The following NBAS variants were observed in gnomAD, a reference collection of about 807,000 sequenced individuals.
NBAS encodes the protein NBAS subunit of NRZ tethering complex.
In NBAS, 219 loss-of-function variants were observed where a neutral mutation model predicts 302.5. The ratio of observed to expected loss-of-function variants is 0.72; its 90% confidence interval spans 0.65 to 0.81. NBAS has a LOEUF of 0.81. Ranked by LOEUF, NBAS falls within the 30% of genes least tolerant of loss-of-function variation. The pLI, the probability that NBAS is intolerant of heterozygous loss-of-function variation, is 0.00. For missense variants in NBAS, 2,932 were observed against 2,841.6 expected (o/e 1.03, Z -0.72); for synonymous variants, 1,118 against 1,021.6 (o/e 1.09, Z -1.80).
the NBAS span, among the ~76,000 whole-genome samples, chr2:15,102,574 CTT>C: frequency 6.6e-6 from 1 of 152,174 alleles, no homozygotes; most frequent in Non-Finnish European, 1.5e-5. Context: ...TTTTATTCAG[CTT>C]TGCAACTCCA....
rs80120893 is a variant in NBAS at position 15,396,203 on chromosome 2, G to A, written c.3134+210C>T. On this transcript the variant is annotated intron_variant, in intron 27 of 51. Transcript: ENST00000281513. ...TAAGTGGCAAGGCCTAAATTTGAAC[G>A]TAGGTTTTCAAAGACCATGTTATTA... Among the ~76,000 whole-genome samples, 1,289 of 152,226 alleles carry A rather than the reference G, an allele frequency of 8.5e-3. 19 individuals are homozygous for A. Among genetic ancestry groups the A allele is most frequent in the East Asian group, 0.06 (309 of 5,184 alleles).
Position 15,234,821 on chromosome 2 carries a change from T to C in NBAS, c.5944-74A>G. On this transcript the variant is annotated intron_variant, in intron 45 of 51. Coordinates refer to ENST00000281513, the MANE Select transcript of NBAS (RefSeq NM_015909.4). ...GTATCTACATGCACAAAGTGAAACA[T>C]ATTTAGATCCTCGAACCAAATACAT... 6 of 1,471,260 alleles carry C rather than the reference T, an allele frequency of 4.1e-6. 1 individual carries two copies. In the South Asian group the frequency reaches 6.9e-5, roughly 17 times the overall value. The allele number at this position is 1,471,260 out of a possible 1,614,324, so 91.1% of individuals were successfully genotyped here. A position where few individuals can be genotyped will look rare whatever the true frequency, so the allele number is the denominator to read the frequency against.
At chr2:15,228,479 G>A (rs1019063012) in intron 47 of NBAS, among the ~76,000 whole-genome samples, 12 of 152,288 alleles carry the variant, frequency 7.9e-5, no homozygotes, top group African/African-American at 2.4e-4. Flanking sequence ...CAGCAATCCC[G>A]TTACTGAGTA....
At chr2:15,389,368 G>A (rs1675476685) in intron 28 of NBAS, among the ~76,000 whole-genome samples, 4 of 152,180 alleles carry the variant, frequency 2.6e-5, no homozygotes, top group African/African-American at 9.7e-5. Flanking sequence ...TTAGCCTCAG[G>A]GAAGCCCATA....
rs1380411431 is a variant in NBAS, at chr2:15,367,432, G to T, written c.3704-739C>A. On this transcript the variant is annotated intron_variant, in intron 31 of 51. Coordinates refer to ENST00000281513, the MANE Select transcript of NBAS (RefSeq NM_015909.4). ...AACAACAACTACGATAATAGCAACT[G>T]ATGTGAAAGGAATACGAGCTATGTC... Among the ~76,000 whole-genome samples, 4 of 152,272 alleles carry T rather than the reference G, an allele frequency of 2.6e-5. No individual in the cohort carries two copies. The East Asian group carries it at 7.7e-4, about 29-fold the overall frequency.
At chr2:14,778,951 C>T in the NBAS span, among the ~76,000 whole-genome samples, 1 of 152,188 alleles carries the variant, frequency 6.6e-6, no homozygotes, top group Non-Finnish European at 1.5e-5. Flanking sequence ...TTGCATATGT[C>T]TCTCAGAATG....
At chr2:15,071,363 CG>C in the NBAS span, among the ~76,000 whole-genome samples, 7 of 152,150 alleles carry the variant, frequency 4.6e-5, no homozygotes, top group African/African-American at 1.7e-4. Context: ...CGGTGGCTCG[CG>C]CCTGTAATCC....
chr2:15,396,462 C>T lies in NBAS; in HGVS notation c.3085G>A (p.Ala1029Thr). The T allele has an allele frequency of 6.3e-7, 1 of 1,597,928 alleles. No individual in the cohort carries two copies. Among genetic ancestry groups the T allele is most frequent in the Non-Finnish European group, 8.5e-7 (1 of 1,173,476 alleles). The change falls in exon 27 of 52, where the codon GCA (alanine) becomes ACA (threonine). Residue 1029 changes from alanine to threonine, a missense_variant. Physicochemically the swap from Ala to Thr is moderately conservative, Grantham distance 58. Transcript: ENST00000281513. ...ACCATGTCATGAAGCTTTGTGGTTGCCTCTGTCTTATCACTAATAAATTAA... is the reference window on the plus strand; with the variant it reads ...ACCATGTCATGAAGCTTTGTGGTTGTCTCTGTCTTATCACTAATAAATTAA... ...PERGYGDKTEATTKLHDMVDQ... is the reference protein window; with the variant it reads ...PERGYGDKTETTTKLHDMVDQ...
chr2:14,991,215 C>A, the NBAS span, among the ~76,000 whole-genome samples: 2 of 151,900 alleles, frequency 1.3e-5, no homozygotes, highest in African/African-American at 4.8e-5. Context: ...GGACTAGAAC[C>A]CAGATCTAAC....
At chr2:15,087,258 C>CACACACACA in the NBAS span, among the ~76,000 whole-genome samples, 26 of 131,308 alleles carry the variant, frequency 2.0e-4, no homozygotes, top group African/African-American at 8.0e-4. Context: ...ACACACACAC[C>CACACACACA]CCATATTGGT....
intron 30 of NBAS, among the ~76,000 whole-genome samples, chr2:15,378,225 A>C (rs1047507377): frequency 6.6e-6 from 1 of 152,212 alleles, no homozygotes; most frequent in African/African-American, 2.4e-5. Flanking sequence ...TGTCTCTAGA[A>C]ATGAATGAGG....
the NBAS span, among the ~76,000 whole-genome samples, chr2:14,822,869 A>G: frequency 2.9e-4 from 44 of 152,344 alleles, no homozygotes; most frequent in Non-Finnish European, 5.1e-4. Context: ...TGTGCACCAG[A>G]CAATATGCTA....
the NBAS span, among the ~76,000 whole-genome samples, chr2:14,785,475 T>C: frequency 2.0e-5 from 3 of 152,190 alleles, no homozygotes; most frequent in Admixed American, 2.0e-4. Flanking sequence ...ATAGCTCTTA[T>C]TATTTTGAGA....
intron 21 of NBAS, among the ~76,000 whole-genome samples, chr2:15,450,957 A>G (rs1678975758): frequency 6.6e-6 from 1 of 152,216 alleles, no homozygotes; most frequent in Admixed American, 6.5e-5. Flanking sequence ...TGGAATATCC[A>G]TAAAACTATG....
chr2:15,475,835 T>C lies in NBAS; in HGVS notation c.1193A>G (p.Asp398Gly), dbSNP rs750502935. The stretch of plus-strand genomic sequence containing the variant: ...GCATCGAGCTAAAGTCACTGCACTG[T>C]CTGCCCACCAATTGACATCTATCAG... Reference protein sequence around the residue: ...YPLIDVNWWADSAVTLARCSG... With the variant: ...YPLIDVNWWAGSAVTLARCSG... Residue 398 changes from aspartate (D) to glycine (G), a missense_variant, in exon 14 of 52, where the codon GAC (aspartate) becomes GGC (glycine). Physicochemically the swap from Asp to Gly is moderately conservative, Grantham distance 94. Coordinates refer to ENST00000281513, the MANE Select transcript of NBAS (RefSeq NM_015909.4). 92 of 1,613,952 alleles carry C rather than the reference T, an allele frequency of 5.7e-5. No individual in the cohort carries two copies. The highest frequency in any genetic ancestry group is 7.5e-5 in the Non-Finnish European group (88 of 1,179,968).
the NBAS span, among the ~76,000 whole-genome samples, chr2:15,013,592 T>C: frequency 6.6e-6 from 1 of 152,088 alleles, no homozygotes; most frequent in African/African-American, 2.4e-5. Context: ...AAGATCAGTC[T>C]AGCCAACATG....
intron 21 of NBAS, among the ~76,000 whole-genome samples, chr2:15,436,604 C>T (rs756871961): frequency 4.6e-5 from 7 of 152,146 alleles, no homozygotes; most frequent in Non-Finnish European, 5.9e-5. Context: ...AAAGGTAGCA[C>T]GATTCACAGC....
chr2:15,467,433 A>G (rs1454742113), intron 18 of NBAS, 26 bp from the exon 19 acceptor site: 32 of 1,542,424 alleles, frequency 2.1e-5, no homozygotes, highest in Non-Finnish European at 2.9e-5. Flanking sequence ...ATGTTAGGCC[A>G]CTTATATTTA....
At chr2:15,407,052 TA>T (rs2148441502) in intron 25 of NBAS, among the ~76,000 whole-genome samples, 1 of 152,286 alleles carries the variant, frequency 6.6e-6, no homozygotes, top group African/African-American at 2.4e-5. Flanking sequence ...AATACACCAA[TA>T]ATATAAAAAT....
Sources: allele counts gnomAD v4.1 joint callset (sites outside exome capture counted in the v4.1 genomes callset), GRCh38; gene constraint gnomAD v4.1.1; transcripts MANE v1.5; gene names NCBI Gene and HGNC (gene_info 2026-07-23, HGNC 2026-07-21).